RABGAP1: variants seen among roughly 807,000 people sequenced by gnomAD.
The protein encoded by RABGAP1 is rab GTPase-activating protein 1.
In RABGAP1, 23 loss-of-function variants were observed where a neutral mutation model predicts 137.6. The ratio of observed to expected loss-of-function variants is 0.17; its 90% CI spans 0.12 to 0.24. RABGAP1 has a LOEUF of 0.24. Among genes scored for constraint, RABGAP1 ranks in the 10% least tolerant of loss-of-function variants. The probability of loss-of-function intolerance (pLI) is 1.00; values close to 1 mark genes in which losing one functional copy is unlikely to be tolerated. For missense variants in RABGAP1, 906 were observed against 1,275.8 expected, an observed-to-expected ratio of 0.71 and a Z score of 4.42; for synonymous variants, 451 against 450.7, an observed-to-expected ratio of 1.00 and a Z score of -0.01.
At chr9:123,047,638 A>G (rs2033264411) in intron 13 of RABGAP1, among the ~76,000 whole-genome samples, 4 of 152,106 alleles carry the variant, frequency 2.6e-5, no homozygotes. Flanking sequence ...AAAAATTAAA[A>G]TCTTCAATAT....
intron 2 of RABGAP1, among the ~76,000 whole-genome samples, chr9:122,981,407 G>C (rs953510274): frequency 2.0e-5 from 3 of 152,168 alleles, no homozygotes; most frequent in African/African-American, 7.2e-5. Context: ...GCCATGCTGT[G>C]TATTACATGC....
At chr9:122,958,640 A>G (rs908758130) in intron 2 of RABGAP1, among the ~76,000 whole-genome samples, 3 of 152,152 alleles carry the variant, frequency 2.0e-5, no homozygotes, top group African/African-American at 7.2e-5. Context: ...ATGTATACAT[A>G]TGTAACAAAC....
chr9:122,931,884 C>CTTTTTA, the RABGAP1 span, among the ~76,000 whole-genome samples: 2 of 152,212 alleles, frequency 1.3e-5, no homozygotes, highest in South Asian at 4.1e-4. Context: ...TTTGGTAAGT[C>CTTTTTA]TTTTTAGCCT....
Position 122,957,277 on chromosome 9 carries a change from C to A in RABGAP1, c.150+68C>A, listed in dbSNP as rs1259141515. 8 of 1,250,472 alleles carry A rather than the reference C, an allele frequency of 6.4e-6. No homozygotes were observed. The Admixed American group carries it at 1.6e-4, about 26-fold the overall frequency. The allele number at this position is 1,250,472 out of a possible 1,614,324, so 77.5% of individuals were successfully genotyped here. A position where few individuals can be genotyped will look rare whatever the true frequency, so the allele number is the denominator to read the frequency against. On this transcript the variant is annotated intron_variant, in intron 2 of 25. Coordinates refer to ENST00000373647, the MANE Select transcript of RABGAP1 (RefSeq NM_012197.4). ...AGCCCATTGCAAAACTTGGCCTTAA[C>A]AGAAAACAGATATGGGAGGAAAGTG... is the stretch of plus-strand genomic sequence containing the variant.
At chr9:122,974,047 T>G (rs547227363) in intron 2 of RABGAP1, among the ~76,000 whole-genome samples, 1 of 152,090 alleles carries the variant, frequency 6.6e-6, no homozygotes, top group East Asian at 1.9e-4. Flanking sequence ...GGTAATCTTG[T>G]CCTCTGTAAT....
At chr9:122,942,795 A>T (rs1403932437) in intron 1 of RABGAP1, among the ~76,000 whole-genome samples, 15 of 152,128 alleles carry the variant, frequency 9.9e-5, no homozygotes, top group Non-Finnish European at 1.5e-5. Flanking sequence ...TGTATTGGTA[A>T]CATTTAAAAT....
At chr9:122,973,430 G>C (rs530967482) in intron 2 of RABGAP1, among the ~76,000 whole-genome samples, 49 of 152,006 alleles carry the variant, frequency 3.2e-4, no homozygotes, top group Admixed American at 8.5e-4. Context: ...TAGAGATGGG[G>C]TTTCACCGTG....
At chr9:123,071,479 C>T (rs1057240191) in intron 15 of RABGAP1, 6 of 152,232 alleles carry the variant, frequency 3.9e-5, no homozygotes, top group African/African-American at 1.4e-4. Flanking sequence ...CTGTTATGAT[C>T]TGTACTGTGC....
At chr9:122,981,079 C>A (rs1422352464) in intron 2 of RABGAP1, among the ~76,000 whole-genome samples, 1 of 151,962 alleles carries the variant, frequency 6.6e-6, no homozygotes. Flanking sequence ...ATTCTGTCAC[C>A]CAGGCTGGAG....
chr9:122,974,480 G>A (rs1414103106), intron 2 of RABGAP1, among the ~76,000 whole-genome samples: 1 of 128,174 alleles, frequency 7.8e-6, no homozygotes, highest in Non-Finnish European at 1.5e-5. Flanking sequence ...AAACCAGGCA[G>A]TAAGAGAAGT....
chr9:123,091,048 T>C (rs2035018490), intron 21 of RABGAP1, among the ~76,000 whole-genome samples: 1 of 152,230 alleles, frequency 6.6e-6, no homozygotes, highest in Non-Finnish European at 1.5e-5. Context: ...ACAGTCTACA[T>C]TGCTACTACT....
intron 2 of RABGAP1, among the ~76,000 whole-genome samples, chr9:122,979,086 C>T (rs939406272): frequency 2.0e-5 from 3 of 151,722 alleles, no homozygotes; most frequent in South Asian, 2.1e-4. Flanking sequence ...TTTGTAGAGT[C>T]GGGGTCTCAC....
chr9:123,010,110 A>G (rs1313857216), intron 10 of RABGAP1, among the ~76,000 whole-genome samples: 1 of 152,146 alleles, frequency 6.6e-6, no homozygotes, highest in Non-Finnish European at 1.5e-5. Context: ...GAACTAGAGT[A>G]CTGCTTAGTA....
intron 19 of RABGAP1, 94 bp from the exon 20 acceptor site, chr9:123,089,664 C>T (rs978391715): frequency 4.3e-5 from 40 of 932,362 alleles, no homozygotes; most frequent in Non-Finnish European, 6.4e-5. Flanking sequence ...ACTGAGATTG[C>T]CCAGGCCACC....
chr9:122,974,576 G>A (rs1250821031), intron 2 of RABGAP1, among the ~76,000 whole-genome samples: 1 of 152,026 alleles, frequency 6.6e-6, no homozygotes, highest in Non-Finnish European at 1.5e-5. Context: ...AGGATTGCCT[G>A]AGCCCAGGAG....
chr9:122,989,453 G>A lies in RABGAP1; in HGVS notation c.747G>A (p.Arg249=). 1 of 1,613,900 alleles carries A rather than the reference G, an allele frequency of 6.2e-7. No homozygotes were observed. The highest frequency in any genetic ancestry group is 8.5e-7 in the Non-Finnish European group (1 of 1,179,986). The change falls in exon 5 of 26, where the codon CGG becomes CGA. Residue 249 remains arginine (R), a synonymous_variant. Coordinates refer to ENST00000373647, the MANE Select transcript of RABGAP1 (RefSeq NM_012197.4). The stretch of plus-strand genomic sequence containing the variant: ...AGCTCTTCAGAATACACGTCTTCCG[G>A]TGTGAAATACAAGAAGCTGTAAGTC... The part of the protein sequence containing the change: ...NAELFRIHVF[R]CEIQEAVSRI...
chr9:123,052,957 A>C lies in RABGAP1; in HGVS notation c.1795-12391A>C, dbSNP rs1310312755. ...TGTGTCTCAAAAACAAAACAAAATGAAACAAAAAACTTTGCATACAGAGTC... is the reference window on the plus strand; with the variant it reads ...TGTGTCTCAAAAACAAAACAAAATGCAACAAAAAACTTTGCATACAGAGTC... On this transcript the variant is annotated intron_variant, in intron 13 of 25. Coordinates refer to ENST00000373647, the MANE Select transcript of RABGAP1 (RefSeq NM_012197.4). Among the ~76,000 whole-genome samples the C allele has an allele frequency of 2.0e-5, 3 of 152,140 alleles. No homozygotes were observed. The East Asian group carries it at 5.8e-4, about 29-fold the overall frequency.
chr9:122,957,227 A>G lies in RABGAP1; in HGVS notation c.150+18A>G. 1.3e-6 allele frequency: 2 copies of G among 1,492,822 alleles called. No individual in the cohort carries two copies. Among genetic ancestry groups the G allele is most frequent in the Non-Finnish European group, 1.8e-6 (2 of 1,100,102 alleles). The allele number at this position is 1,492,822 out of a possible 1,614,324, so 92.5% of individuals were successfully genotyped here. On this transcript the variant is annotated intron_variant, in intron 2 of 25. Transcript: ENST00000373647. The stretch of plus-strand genomic sequence containing the variant: ...GACTCAAGGTAAAACTCCCTAACCT[A>G]AGATTGTTTTGCTTAGCTTTTCTAA...
At chr9:122,971,807 A>G (rs1030051183) in intron 2 of RABGAP1, 2 of 152,244 alleles carry the variant, frequency 1.3e-5, no homozygotes, top group South Asian at 4.1e-4. Context: ...CTTAAGAGAC[A>G]TGAAAATTAA....
Sources: gnomAD v4.1 joint callset for allele counts (sites outside exome capture counted in the v4.1 genomes callset) on GRCh38, gnomAD v4.1.1 for gene constraint, MANE v1.5 for transcripts, NCBI Gene and HGNC (gene_info 2026-07-23, HGNC 2026-07-21) for gene names.